SEPTIN14: variants seen among roughly 807,000 people sequenced by gnomAD.
SEPTIN14 encodes septin-14.
Under a neutral mutation model 53.6 loss-of-function variants are expected in SEPTIN14, and 40 were observed. The ratio of observed to expected loss-of-function variants is 0.75; its 90% CI spans 0.58 to 0.97. The LOEUF is 0.97. SEPTIN14 is among the 50% of genes least tolerant of loss of function. SEPTIN14 has a pLI of 0.00. For missense variants in SEPTIN14, 471 were observed against 508.2 expected (o/e 0.93, Z 0.70); for synonymous variants, 138 against 166.8 (o/e 0.83, Z 1.33).
chr7:55,809,048 T>G (rs1363613008), intron 7 of SEPTIN14, among the ~76,000 whole-genome samples: 1 of 151,794 alleles, frequency 6.6e-6, no homozygotes, highest in East Asian at 1.9e-4. Context: ...ATAGAGAAAA[T>G]GAACATATAC....
At chr7:55,804,324 T>C (rs1788579498) in intron 9 of SEPTIN14, among the ~76,000 whole-genome samples, 1 of 149,238 alleles carries the variant, frequency 6.7e-6, no homozygotes, top group South Asian at 2.2e-4. Context: ...AGTGGCACCA[T>C]CTCGGCTCAC....
intron 5 of SEPTIN14, among the ~76,000 whole-genome samples, chr7:55,836,464 C>T (rs775790745): frequency 1.3e-4 from 20 of 152,072 alleles, no homozygotes; most frequent in Non-Finnish European, 2.5e-4. Context: ...ACAGACCGGG[C>T]GCAGTGGCTC....
At chr7:55,848,643 C>T (rs1789465852) in intron 2 of SEPTIN14, among the ~76,000 whole-genome samples, 1 of 142,746 alleles carries the variant, frequency 7.0e-6, no homozygotes, top group East Asian at 2.1e-4. Context: ...CGGAGTCTCG[C>T]TCTGTCGCCC....
At chr7:55,832,421 A>G (rs1234244463) in intron 6 of SEPTIN14, among the ~76,000 whole-genome samples, 1 of 152,216 alleles carries the variant, frequency 6.6e-6, no homozygotes, top group East Asian at 1.9e-4. Context: ...CTGAAAGAAA[A>G]GAAATAATTA....
At chr7:55,800,882 C>G (rs1197190292) in intron 9 of SEPTIN14, among the ~76,000 whole-genome samples, 1 of 152,018 alleles carries the variant, frequency 6.6e-6, no homozygotes, top group Non-Finnish European at 1.5e-5. Flanking sequence ...GGATAGATAT[C>G]CCATTTAACT....
chr7:55,826,365 T>C (rs529614272), intron 6 of SEPTIN14, among the ~76,000 whole-genome samples: 1 of 152,210 alleles, frequency 6.6e-6, no homozygotes, highest in Admixed American at 6.5e-5. Flanking sequence ...TCTTGTCCCA[T>C]ATAAGGGAGG....
intron 7 of SEPTIN14, among the ~76,000 whole-genome samples, chr7:55,818,402 AC>A (rs1254940072): frequency 4.3e-5 from 6 of 138,216 alleles, no homozygotes; most frequent in African/African-American, 1.8e-4. Flanking sequence ...AACCTGGGAG[AC>A]AGAGGTTGCA....
intron 2 of SEPTIN14, among the ~76,000 whole-genome samples, chr7:55,852,394 G>A (rs1328276526): frequency 6.6e-6 from 1 of 152,132 alleles, no homozygotes; most frequent in Non-Finnish European, 1.5e-5. Flanking sequence ...GACATGTACA[G>A]TGAACTCATT....
Position 55,793,577 on chromosome 7 carries a change from T to C in SEPTIN14, c.*2336A>G, listed in dbSNP as rs1280537310. The stretch of plus-strand genomic sequence containing the variant: ...ACTCCGCTTTTTATTTTCTACAGGA[T>C]TTAAAAGACAAATGCATAAAATGTA... On this transcript the variant is annotated 3_prime_UTR_variant, in exon 10 of 10. Transcript: ENST00000388975. 6.6e-6 allele frequency: 1 copy of C among 152,156 alleles called. No individual in the cohort carries two copies. Among genetic ancestry groups the C allele is most frequent in the Non-Finnish European group, 1.5e-5 (1 of 68,014 alleles). The allele number at this position is 152,156 out of a possible 1,614,324, so 9.4% of individuals were successfully genotyped here. A position where few individuals can be genotyped will look rare whatever the true frequency, so the allele number is the denominator to read the frequency against.
intron 9 of SEPTIN14, among the ~76,000 whole-genome samples, chr7:55,801,136 C>CAAAAGA (rs933702506): frequency 3.3e-5 from 5 of 151,518 alleles, no homozygotes; most frequent in Non-Finnish European, 7.4e-5. Flanking sequence ...TTTCACACCT[C>CAAAAGA]AAAAGAAAAA....
chr7:55,861,962 A>G lies in SEPTIN14; in HGVS notation c.35T>C (p.Ile12Thr). Reference protein sequence around the residue: ...AERTMAMPTQIPADGDTQKEN... With the variant: ...AERTMAMPTQTPADGDTQKEN... ...CTTAACTGTATCTCCATCAGCAGGT[A>G]TTTGTGTGGGCATAGCCATTGTTCT... The change falls in exon 2 of 10, where the codon ATA (isoleucine) becomes ACA (threonine). Residue 12 changes from isoleucine to threonine, a missense_variant. Physicochemically the swap from Ile to Thr is moderately conservative, Grantham distance 89. Transcript: ENST00000388975. The G allele has an allele frequency of 6.3e-7, 1 of 1,583,122 alleles. No homozygotes were observed.
intron 7 of SEPTIN14, among the ~76,000 whole-genome samples, chr7:55,810,033 C>T (rs1308795483): frequency 6.6e-6 from 1 of 151,654 alleles, no homozygotes; most frequent in Non-Finnish European, 1.5e-5. Context: ...AGGGTTTCAC[C>T]GCGTTAGCCA....
chr7:55,860,651 A>T (rs1789728093), intron 2 of SEPTIN14, among the ~76,000 whole-genome samples: 1 of 152,200 alleles, frequency 6.6e-6, no homozygotes, highest in African/African-American at 2.4e-5. Context: ...GTACCCCATC[A>T]ATATGTATTA....
chr7:55,830,347 A>ATTTTTTTTTTTTTTTTTTTTT (rs1283196897), intron 6 of SEPTIN14, among the ~76,000 whole-genome samples: 1 of 50,408 alleles, frequency 2.0e-5, no homozygotes, highest in African/African-American at 1.6e-4. Context: ...ATATATATAT[A>ATTTTTTTTTTTTTTTTTTTTT]TATTTTTTTT....
At chr7:55,843,986 A>G (rs148856082) in intron 4 of SEPTIN14, among the ~76,000 whole-genome samples, 2,143 of 152,262 alleles carry the variant, frequency 0.014, 61 homozygotes, top group African/African-American at 0.048. Flanking sequence ...AATTTTTAAA[A>G]TTAGCCAGGC....
intron 2 of SEPTIN14, among the ~76,000 whole-genome samples, chr7:55,849,894 T>C (rs1789490632): frequency 6.6e-6 from 1 of 152,114 alleles, no homozygotes; most frequent in African/African-American, 2.4e-5. Context: ...GATTTTGAAA[T>C]AACTCTTTTG....
intron 2 of SEPTIN14, among the ~76,000 whole-genome samples, chr7:55,852,035 G>A (rs1178350212): frequency 6.6e-5 from 10 of 151,734 alleles, no homozygotes; most frequent in African/African-American, 1.9e-4. Flanking sequence ...CCAGCTACTC[G>A]GGAGGCTGAG....
chr7:55,859,053 A>G (rs1255856085), intron 2 of SEPTIN14, among the ~76,000 whole-genome samples: 1 of 151,792 alleles, frequency 6.6e-6, no homozygotes, highest in Non-Finnish European at 1.5e-5. Flanking sequence ...TGGGAGGCTG[A>G]GGCAGGAGAA....
chr7:55,839,728 T>G (rs1789274811), intron 5 of SEPTIN14, among the ~76,000 whole-genome samples: 1 of 152,148 alleles, frequency 6.6e-6, no homozygotes, highest in South Asian at 2.1e-4. Context: ...AAGTCAAGGT[T>G]GAAATCTATC....
Sources: gnomAD v4.1 joint callset for allele counts (sites outside exome capture counted in the v4.1 genomes callset) on GRCh38, gnomAD v4.1.1 for gene constraint, MANE v1.5 for transcripts, NCBI Gene and HGNC (gene_info 2026-07-23, HGNC 2026-07-21) for gene names.